Variants in ASPRV1 observed in about 807,000 individuals in gnomAD.
ASPRV1 encodes retroviral-like aspartic protease 1.
A neutral mutation model predicts 11.0 loss-of-function variants in ASPRV1; 7 were observed. That is an observed-to-expected ratio of 0.64 (90% CI 0.36 to 1.20). The LOEUF is 1.20. Ranked by LOEUF, ASPRV1 falls within the 50% of genes most tolerant of loss-of-function variation. The pLI, the probability that ASPRV1 is intolerant of heterozygous loss-of-function variation, is 0.02. For synonymous variants in ASPRV1, 136 were observed against 138.4 expected (o/e 0.98, Z 0.12); for missense variants, 299 against 320.0 (o/e 0.93, Z 0.50).
chr2:70,028,568 C>T, the ASPRV1 span: 108 of 152,228 alleles, frequency 7.1e-4, no homozygotes, highest in African/African-American at 2.6e-3. Context: ...TTGAATGCAT[C>T]CACCAAAGTT....
At chr2:69,971,980 G>A in the ASPRV1 span, among the ~76,000 whole-genome samples, 3 of 152,142 alleles carry the variant, frequency 2.0e-5, no homozygotes, top group African/African-American at 7.2e-5. Flanking sequence ...CGTACCATGG[G>A]GCTTAGCCAG....
chr2:70,073,397 G>A, the ASPRV1 span: 5 of 151,980 alleles, frequency 3.3e-5, no homozygotes, highest in Admixed American at 2.0e-4. Context: ...CTAAAAGTAC[G>A]GGTTTGATAC....
the ASPRV1 span, among the ~76,000 whole-genome samples, chr2:69,947,545 C>G: frequency 6.6e-6 from 1 of 152,120 alleles, no homozygotes; most frequent in Admixed American, 6.5e-5. Context: ...CTGGCCTTGG[C>G]TTTTACTCAA....
the ASPRV1 span, among the ~76,000 whole-genome samples, chr2:70,022,176 G>A: frequency 1.2e-4 from 18 of 151,114 alleles, no homozygotes; most frequent in South Asian, 1.3e-3. Flanking sequence ...CACCATGCCC[G>A]GCTAATTTTT....
At chr2:69,935,290 C>T in the ASPRV1 span, 6 of 1,199,656 alleles carry the variant, frequency 5.0e-6, no homozygotes, top group Non-Finnish European at 7.4e-6. Flanking sequence ...ACTCATTCTG[C>T]CTGGGGTGCT....
At chr2:69,986,411 G>T in the ASPRV1 span, among the ~76,000 whole-genome samples, 1 of 152,218 alleles carries the variant, frequency 6.6e-6, no homozygotes, top group East Asian at 1.9e-4. Context: ...TGCCCAGAAT[G>T]GAATCTGCTC....
chr2:70,014,886 A>C, the ASPRV1 span, among the ~76,000 whole-genome samples: 1 of 152,140 alleles, frequency 6.6e-6, no homozygotes, highest in African/African-American at 2.4e-5. Context: ...TTATATCTGA[A>C]AAGGATTTAC....
the ASPRV1 span, among the ~76,000 whole-genome samples, chr2:70,026,210 T>C: frequency 2.0e-5 from 3 of 152,048 alleles, no homozygotes; most frequent in Admixed American, 2.0e-4. Flanking sequence ...TCCCAGCTAC[T>C]TGGGAGGCTG....
chr2:70,033,829 G>C, the ASPRV1 span, among the ~76,000 whole-genome samples: 3 of 152,104 alleles, frequency 2.0e-5, no homozygotes, highest in Non-Finnish European at 2.9e-5. Context: ...TACACTCACT[G>C]GCAGTCTTCT....
At chr2:70,007,789 C>G in the ASPRV1 span, among the ~76,000 whole-genome samples, 1 of 151,964 alleles carries the variant, frequency 6.6e-6, no homozygotes, top group African/African-American at 2.4e-5. Context: ...GGAACTTTTG[C>G]TTTCTCCTTT....
the ASPRV1 span, among the ~76,000 whole-genome samples, chr2:70,044,084 C>A: frequency 6.6e-6 from 1 of 152,156 alleles, no homozygotes. Flanking sequence ...CTATCCCTTC[C>A]TCAGTCTGGT....
chr2:69,940,766 T>C, the ASPRV1 span: 1 of 152,656 alleles, frequency 6.6e-6, no homozygotes, highest in African/African-American at 2.4e-5. Context: ...CTTTCAAAGC[T>C]TGAGGTAGAC....
chr2:69,933,414 A>T, the ASPRV1 span, among the ~76,000 whole-genome samples: 140 of 152,278 alleles, frequency 9.2e-4, 1 homozygote, highest in Admixed American at 4.2e-3. Context: ...TCCCCACCAC[A>T]TGCAGTAGTG....
chr2:70,023,173 C>T, the ASPRV1 span, among the ~76,000 whole-genome samples: 1,084 of 152,274 alleles, frequency 7.1e-3, 5 homozygotes, highest in Middle Eastern at 0.034. Flanking sequence ...CTGGTTTCAC[C>T]GACAACCCCT....
At chr2:69,972,217 A>G in the ASPRV1 span, among the ~76,000 whole-genome samples, 2 of 150,516 alleles carry the variant, frequency 1.3e-5, no homozygotes, top group Admixed American at 6.6e-5. Context: ...GCCCACCACC[A>G]CGCCTGGCTA....
At chr2:69,973,612 T>C in the ASPRV1 span, among the ~76,000 whole-genome samples, 4 of 152,226 alleles carry the variant, frequency 2.6e-5, no homozygotes, top group African/African-American at 9.6e-5. Flanking sequence ...CCTCCCAAAG[T>C]GCTGGGATCA....
At chr2:70,041,055 T>C in the ASPRV1 span, among the ~76,000 whole-genome samples, 1 of 152,208 alleles carries the variant, frequency 6.6e-6, no homozygotes, top group Admixed American at 6.5e-5. Context: ...GTGGGGCTTG[T>C]CTACGGAGAA....
the ASPRV1 span, chr2:70,086,404 G>C: frequency 6.6e-6 from 1 of 152,380 alleles, no homozygotes; most frequent in South Asian, 2.1e-4. Context: ...AGCCCAAGGA[G>C]GAAGGGGAAA....
At chr2:70,086,722 G>A in the ASPRV1 span, among the ~76,000 whole-genome samples, 10 of 152,236 alleles carry the variant, frequency 6.6e-5, no homozygotes, top group African/African-American at 2.4e-4. Flanking sequence ...CAGGAGGTGG[G>A]GTTTCTGTGG....
Sources: gnomAD v4.1 joint callset for allele counts (sites outside exome capture counted in the v4.1 genomes callset) on GRCh38, gnomAD v4.1.1 for gene constraint, MANE v1.5 for transcripts, NCBI Gene and HGNC (gene_info 2026-07-23, HGNC 2026-07-21) for gene names.